TRPS1: variants seen among roughly 807,000 people sequenced by gnomAD.
The protein encoded by TRPS1 is transcriptional repressor GATA binding 1, also known as zinc finger transcription factor Trps1.
Under a neutral mutation model 101.2 loss-of-function variants are expected in TRPS1, and 6 were observed. The observed-to-expected ratio is 0.06, with a 90% CI of 0.03 to 0.12. TRPS1 has a LOEUF of 0.12. Among genes scored for constraint, TRPS1 ranks in the 10% least tolerant of loss-of-function variants. TRPS1 has a pLI of 1.00. For synonymous variants in TRPS1, 578 were observed against 589.8 expected (o/e 0.98, Z 0.29); for missense variants, 1,363 against 1,567.0 (o/e 0.87, Z 2.20).
intron 3 of TRPS1, 95 bp from the exon 4 acceptor site, chr8:115,605,097 ATC>A: frequency 8.8e-7 from 1 of 1,139,214 alleles, no homozygotes. Flanking sequence ...AGTATTCCAC[ATC>A]AAAAAATACA....
chr8:115,645,009 G>GATATA (rs1818992077), intron 1 of TRPS1, among the ~76,000 whole-genome samples: 2 of 151,942 alleles, frequency 1.3e-5, no homozygotes, highest in African/African-American at 4.8e-5. Flanking sequence ...CACCAACTCA[G>GATATA]ATATAATATA....
Position 115,585,519 on chromosome 8 carries a change from G to A in TRPS1, c.2700+1482C>T, listed in dbSNP as rs1276850741. On this transcript the variant is annotated intron_variant, in intron 5 of 6. Coordinates refer to ENST00000395715, the MANE Select transcript of TRPS1 (RefSeq NM_014112.5). Reference sequence around the variant, plus strand: ...AAATATACCATACTCTCAAAATGCAGTATGAATTTAATAAAACATAGGACA... The same window carrying A: ...AAATATACCATACTCTCAAAATGCAATATGAATTTAATAAAACATAGGACA... Among the ~76,000 whole-genome samples the A allele has an allele frequency of 5.9e-5, 9 of 152,156 alleles. No homozygotes were observed. In the East Asian group the frequency reaches 1.7e-3, roughly 29 times the overall value.
At chr8:115,494,290 T>G (rs763084466) in intron 5 of TRPS1, among the ~76,000 whole-genome samples, 21 of 152,236 alleles carry the variant, frequency 1.4e-4, no homozygotes, top group Non-Finnish European at 2.4e-4. Flanking sequence ...AATACTTTGT[T>G]TCGTGGGCCT....
At chr8:115,467,186 CA>C (rs374547230) in intron 5 of TRPS1, among the ~76,000 whole-genome samples, 20 of 145,094 alleles carry the variant, frequency 1.4e-4, no homozygotes, top group South Asian at 4.3e-4. Flanking sequence ...AATTGCGAAC[CA>C]AAAAAAAAAT....
chr8:115,658,431 C>T (rs149583742), intron 1 of TRPS1, among the ~76,000 whole-genome samples: 27 of 152,184 alleles, frequency 1.8e-4, no homozygotes, highest in Non-Finnish European at 3.1e-4. Context: ...GCAACCGTTC[C>T]TTATGTTATC....
intron 5 of TRPS1, among the ~76,000 whole-genome samples, chr8:115,423,870 T>C (rs1467389408): frequency 1.3e-5 from 2 of 152,204 alleles, no homozygotes; most frequent in Non-Finnish European, 2.9e-5. Context: ...CTTATTTTAT[T>C]TTATTATTTG....
rs1173661370 is a variant in TRPS1 at position 115,619,175 on chromosome 8, T to C, written c.923A>G (p.Asn308Ser). Residue 308 changes from asparagine to serine, a missense_variant, in exon 3 of 7, where the codon AAT (asparagine) becomes AGT (serine). Transcript: ENST00000395715. ...SVFSGVLQDI[N>S]SSRPVLLNGT... ...ATTTAGTAAAACAGGCCTTGAAGAATTGATGTCCTGCAGCACACCAGAAAA... is the reference window on the plus strand; with the variant it reads ...ATTTAGTAAAACAGGCCTTGAAGAACTGATGTCCTGCAGCACACCAGAAAA... 3.1e-6 allele frequency: 5 copies of C among 1,614,168 alleles called. No individual in the cohort carries two copies. Among genetic ancestry groups the C allele is most frequent in the East Asian group, 2.2e-5 (1 of 44,870 alleles).
chr8:115,584,810 T>C (rs1179528261), intron 5 of TRPS1, among the ~76,000 whole-genome samples: 3 of 152,186 alleles, frequency 2.0e-5, no homozygotes, highest in South Asian at 4.1e-4. Flanking sequence ...TATGTACACA[T>C]TGAAAATTTC....
chr8:115,667,865 C>T (rs1309645926), intron 1 of TRPS1: 1 of 1,535,554 alleles, frequency 6.5e-7, no homozygotes, highest in Admixed American at 2.0e-5. Context: ...CCGAGTTCGC[C>T]CAACTTACTA....
At chr8:115,563,900 A>C (rs17659412) in intron 5 of TRPS1, among the ~76,000 whole-genome samples, 4,267 of 152,252 alleles carry the variant, frequency 0.028, 91 homozygotes, top group Non-Finnish European at 0.044. Context: ...GAACCAGTGA[A>C]TCAGTTACCA....
rs564452093 is a variant in TRPS1 at position 115,612,474 on chromosome 8, C to T, written c.966+6658G>A. On this transcript the variant is annotated intron_variant, in intron 3 of 6. Coordinates refer to ENST00000395715, the MANE Select transcript of TRPS1 (RefSeq NM_014112.5). The stretch of plus-strand genomic sequence containing the variant: ...AAATCCAAGGTAACTCCAAGATTTC[C>T]AGCCTGACTTAGCTGAAAACAGGAG... 3.3e-5 allele frequency among the ~76,000 whole-genome samples: 5 copies of T among 152,270 alleles called. No individual in the cohort carries two copies. In the East Asian group the frequency reaches 9.7e-4, roughly 29 times the overall value.
intron 4 of TRPS1, among the ~76,000 whole-genome samples, chr8:115,596,474 CA>C (rs1232957201): frequency 2.0e-5 from 3 of 150,984 alleles, no homozygotes; most frequent in Non-Finnish European, 4.4e-5. Context: ...AGTTCGCAAA[CA>C]AATTAAAAAC....
chr8:115,658,117 C>G (rs1182750287), intron 1 of TRPS1, among the ~76,000 whole-genome samples: 1 of 152,136 alleles, frequency 6.6e-6, no homozygotes, highest in African/African-American at 2.4e-5. Flanking sequence ...TTTTCTTTAG[C>G]ATCCTAAAAT....
intron 5 of TRPS1, among the ~76,000 whole-genome samples, chr8:115,547,124 T>C (rs1356119888): frequency 6.6e-6 from 1 of 152,234 alleles, no homozygotes; most frequent in East Asian, 1.9e-4. Flanking sequence ...TCAAATGGTA[T>C]AATTCATGCC....
intron 1 of TRPS1, among the ~76,000 whole-genome samples, chr8:115,663,721 GAA>G (rs1201864123): frequency 8.2e-4 from 63 of 76,804 alleles, no homozygotes; most frequent in South Asian, 1.1e-3. Context: ...CTTGGAAAAG[GAA>G]AAAAAAAAAA....
intron 5 of TRPS1, among the ~76,000 whole-genome samples, chr8:115,526,826 A>G (rs1326597709): frequency 6.6e-6 from 1 of 152,190 alleles, no homozygotes; most frequent in African/African-American, 2.4e-5. Context: ...TTGACCCTTG[A>G]AACACTGCCA....
At chr8:115,440,062 T>C (rs768232393) in intron 5 of TRPS1, among the ~76,000 whole-genome samples, 1 of 152,262 alleles carries the variant, frequency 6.6e-6, no homozygotes, top group Non-Finnish European at 1.5e-5. Context: ...CAATTTAGTT[T>C]AAAAATCCAG....
At chr8:115,597,652 C>T (rs1817818242) in intron 4 of TRPS1, among the ~76,000 whole-genome samples, 2 of 151,936 alleles carry the variant, frequency 1.3e-5, no homozygotes, top group Admixed American at 1.3e-4. Context: ...AAGGAATTTT[C>T]CTAAAACTTT....
At chr8:115,469,214 A>C (rs921044626) in intron 5 of TRPS1, among the ~76,000 whole-genome samples, 2 of 152,192 alleles carry the variant, frequency 1.3e-5, no homozygotes, top group African/African-American at 4.8e-5. Flanking sequence ...ACAAGATGAA[A>C]CAGTGTGAAG....
Sources: gnomAD v4.1 joint callset for allele counts (sites outside exome capture counted in the v4.1 genomes callset) on GRCh38, gnomAD v4.1.1 for gene constraint, MANE v1.5 for transcripts, NCBI Gene and HGNC (gene_info 2026-07-23, HGNC 2026-07-21) for gene names.